The following ABLIM2 variants were observed in gnomAD, a reference collection of about 807,000 sequenced individuals.
The protein encoded by ABLIM2 is actin-binding LIM protein 2.
A neutral mutation model predicts 97.7 loss-of-function variants in ABLIM2; 53 were observed. The observed-to-expected ratio is 0.54, with a 90% CI of 0.44 to 0.68. ABLIM2 has a LOEUF of 0.68. Ranked by LOEUF, ABLIM2 falls within the 30% of genes least tolerant of loss-of-function variation. The pLI is 0.00. For synonymous variants in ABLIM2, 361 were observed against 345.8 expected (o/e 1.04, Z -0.49); for missense variants, 835 against 867.2 (o/e 0.96, Z 0.47).
chr4:8,040,845 G>A (rs776633769), intron 9 of ABLIM2, among the ~76,000 whole-genome samples: 4 of 152,198 alleles, frequency 2.6e-5, no homozygotes, highest in Admixed American at 6.5e-5. Context: ...CTTGGAGCAC[G>A]TGTCAGAATT....
Position 8,132,806 on chromosome 4 carries a change from T to C in ABLIM2, c.10+25874A>G, listed in dbSNP as rs911531563. Among the ~76,000 whole-genome samples the C allele has an allele frequency of 2.0e-5, 3 of 152,192 alleles. No individual in the cohort carries two copies. Among genetic ancestry groups the C allele is most frequent in the Non-Finnish European group, 4.4e-5 (3 of 68,032 alleles). ...TAAATGGGGATACCACGGACTGGGCTGCAGGGAGACTAAATGAGATGATGC... is the reference window on the plus strand; with the variant it reads ...TAAATGGGGATACCACGGACTGGGCCGCAGGGAGACTAAATGAGATGATGC... On this transcript the variant is annotated intron_variant, in intron 1 of 20. Coordinates refer to ENST00000447017, the MANE Select transcript of ABLIM2 (RefSeq NM_001130083.2). The surrounding 1 kb of genome is among the most constrained non-coding windows in gnomAD (Gnocchi z 8.0).
At chr4:8,037,998 C>T (rs79660091) in intron 9 of ABLIM2, among the ~76,000 whole-genome samples, 2,642 of 152,332 alleles carry the variant, frequency 0.017, 67 homozygotes, top group African/African-American at 0.058. Context: ...TTCTCCCTGG[C>T]TCTGGGCTCC....
At position 8,044,409 on chromosome 4, in the gene ABLIM2, A is replaced by G. The variant is rs890868581; in HGVS notation, c.900+755T>C. ...AGGAATTTTGGTATTTACACAAGCA[A>G]TATTAGCAAACATTAAATACAATAT... On this transcript the variant is annotated intron_variant, in intron 9 of 20. Transcript: ENST00000447017. The surrounding 1 kb of genome is among the most constrained non-coding windows in gnomAD (Gnocchi z 4.4). Among the ~76,000 whole-genome samples, 1 of 152,048 alleles carries G rather than the reference A, an allele frequency of 6.6e-6. No homozygotes were observed. The highest frequency in any genetic ancestry group is 1.5e-5 in the Non-Finnish European group (1 of 68,012).
rs1800895913 is a variant in ABLIM2 at position 8,058,611 on chromosome 4, G to A, written c.763+2356C>T. ...TATGCCCCGTCCAATCCATCATCAA[G>A]TCTGGGGGCTGCACTCCAGCACATG... is the stretch of plus-strand genomic sequence containing the variant. On this transcript the variant is annotated intron_variant, in intron 7 of 20. Coordinates refer to ENST00000447017, the MANE Select transcript of ABLIM2 (RefSeq NM_001130083.2). The surrounding 1 kb of genome is among the most constrained non-coding windows in gnomAD (Gnocchi z 4.2). 6.6e-6 allele frequency among the ~76,000 whole-genome samples: 1 copy of A among 152,152 alleles called. No homozygotes were observed. Among genetic ancestry groups the A allele is most frequent in the Non-Finnish European group, 1.5e-5 (1 of 68,018 alleles).
intron 16 of ABLIM2, among the ~76,000 whole-genome samples, chr4:8,006,833 G>A (rs1447461563): frequency 6.6e-6 from 1 of 152,152 alleles, no homozygotes; most frequent in Non-Finnish European, 1.5e-5. Flanking sequence ...GAAGGAGCAG[G>A]CTGCCATCTG....
chr4:8,026,440 T>C (rs1330388569), intron 12 of ABLIM2, among the ~76,000 whole-genome samples: 1 of 152,224 alleles, frequency 6.6e-6, no homozygotes, highest in Non-Finnish European at 1.5e-5. Context: ...GCAATGATGA[T>C]GAGGTACACG....
intron 1 of ABLIM2, among the ~76,000 whole-genome samples, chr4:8,143,016 C>T (rs1468515607): frequency 6.6e-6 from 1 of 152,216 alleles, no homozygotes; most frequent in African/African-American, 2.4e-5. Context: ...TGCAGGCCCC[C>T]TCTTCCCATC....
At chr4:7,987,493 A>AAC (rs1745232135) in intron 17 of ABLIM2, among the ~76,000 whole-genome samples, 1 of 151,914 alleles carries the variant, frequency 6.6e-6, no homozygotes, top group South Asian at 2.1e-4. Flanking sequence ...TGGTCAGGGA[A>AAC]CCCCCAGTAT....
rs571701535 is a variant in ABLIM2 at position 8,154,083 on chromosome 4, C to A, written c.10+4597G>T. Among the ~76,000 whole-genome samples the A allele has an allele frequency of 2.0e-5, 3 of 151,452 alleles. No individual in the cohort carries two copies. The East Asian group carries it at 5.8e-4, about 29-fold the overall frequency. ...GTTCACGCCATTCTCCTGCCTCAGCCTCCCGAGTAGCTGGGTCTACAGGCA... is the reference window on the plus strand; with the variant it reads ...GTTCACGCCATTCTCCTGCCTCAGCATCCCGAGTAGCTGGGTCTACAGGCA... On this transcript the variant is annotated intron_variant, in intron 1 of 20. Transcript: ENST00000447017.
chr4:8,121,692 G>A (rs914864762), intron 1 of ABLIM2, among the ~76,000 whole-genome samples: 1 of 152,224 alleles, frequency 6.6e-6, no homozygotes, highest in Non-Finnish European at 1.5e-5. Context: ...TCCAACAGGT[G>A]ACCTCCTCTA....
At chr4:8,029,545 G>A (rs1779502636) in intron 11 of ABLIM2, 111 bp downstream of exon 11, 4 of 1,238,120 alleles carry the variant, frequency 3.2e-6, no homozygotes, top group Non-Finnish European at 3.1e-6. Flanking sequence ...CATATTTCCA[G>A]TTGTATAAGA....
rs185444898 is a variant in ABLIM2 at position 8,017,161 on chromosome 4, G to A, written c.1423+2457C>T. On this transcript the variant is annotated intron_variant, in intron 14 of 20. Coordinates refer to ENST00000447017, the MANE Select transcript of ABLIM2 (RefSeq NM_001130083.2). ...TTGAGTAGATGACATGCTGGTGGGT[G>A]CGAGGCCTCCTGCGCCGCCTCCTCC... is the stretch of plus-strand genomic sequence containing the variant. Among the ~76,000 whole-genome samples, 53 of 152,290 alleles carry A rather than the reference G, an allele frequency of 3.5e-4. 1 individual carries two copies. The East Asian group carries it at 9.1e-3, about 26-fold the overall frequency.
chr4:8,105,561 G>T (rs970200126), intron 2 of ABLIM2, among the ~76,000 whole-genome samples: 1 of 152,112 alleles, frequency 6.6e-6, no homozygotes, highest in African/African-American at 2.4e-5. Context: ...AGTTTTGTTT[G>T]CCCAGAAAAA....
In ABLIM2 at chr4:8,068,137, C is replaced by T. The variant is rs573017227; in HGVS notation, c.676-7083G>A. Reference sequence around the variant, plus strand: ...CCTCCCAATTGCCACCCGAGGAGTGCCTGAAACCTCGGCCGCTGGTTGTTC... The same window carrying T: ...CCTCCCAATTGCCACCCGAGGAGTGTCTGAAACCTCGGCCGCTGGTTGTTC... On this transcript the variant is annotated intron_variant, in intron 6 of 20. Coordinates refer to ENST00000447017, the MANE Select transcript of ABLIM2 (RefSeq NM_001130083.2). This position sits in a 1 kb window ranked among gnomAD's most constrained non-coding sequence, Gnocchi z 4.5. 6.6e-6 allele frequency among the ~76,000 whole-genome samples: 1 copy of T among 152,170 alleles called. No individual in the cohort carries two copies. Among genetic ancestry groups the T allele is most frequent in the Admixed American group, 6.5e-5 (1 of 15,274 alleles).
rs1441120864 is a variant in ABLIM2 at position 8,158,809 on chromosome 4, C to T, written c.-120G>A. On this transcript the variant is annotated 5_prime_UTR_variant, in exon 1 of 21. Transcript: ENST00000447017. ...GCCGGCTCCGCGCCCGCTCCTTGCGCACACGCCAGGCAGCGCCGCCGCAGC... is the reference window on the plus strand; with the variant it reads ...GCCGGCTCCGCGCCCGCTCCTTGCGTACACGCCAGGCAGCGCCGCCGCAGC... 2 of 914,522 alleles carry T rather than the reference C, an allele frequency of 2.2e-6. No homozygotes were observed. The highest frequency in any genetic ancestry group is 2.8e-6 in the Non-Finnish European group (2 of 719,266). 56.7% of individuals were successfully genotyped at this position (914,522 alleles called of 1,614,324 possible).
At chr4:8,073,886 G>A (rs1365140214) in intron 6 of ABLIM2, among the ~76,000 whole-genome samples, 3 of 151,560 alleles carry the variant, frequency 2.0e-5, no homozygotes, top group Non-Finnish European at 2.9e-5. Flanking sequence ...TCGGGAGTTC[G>A]AGACCAGCCT....
intron 12 of ABLIM2, among the ~76,000 whole-genome samples, chr4:8,024,843 G>C (rs977520496): frequency 6.6e-6 from 1 of 152,234 alleles, no homozygotes; most frequent in African/African-American, 2.4e-5. Flanking sequence ...GGACAGCCAG[G>C]GGAGTCTAGT....
rs944934243 is a variant in ABLIM2, at chr4:8,032,693, C to T, written c.1048-2917G>A. The T allele has an allele frequency of 6.2e-7, 1 of 1,612,474 alleles. No individual in the cohort carries two copies. The highest frequency in any genetic ancestry group is 8.5e-7 in the Non-Finnish European group (1 of 1,179,792). On this transcript the variant is annotated intron_variant, in intron 10 of 20. Coordinates refer to ENST00000447017, the MANE Select transcript of ABLIM2 (RefSeq NM_001130083.2). The surrounding 1 kb of genome is among the most constrained non-coding windows in gnomAD (Gnocchi z 4.3). ...GCAACTGAGGGGACTGTGGACACAA[C>T]ACACAAAGTGGCCATTAGTGCTGGC...
intron 6 of ABLIM2, among the ~76,000 whole-genome samples, chr4:8,070,683 C>T (rs955975657): frequency 2.0e-5 from 3 of 152,092 alleles, no homozygotes; most frequent in African/African-American, 7.2e-5. Context: ...AGGGATCTGT[C>T]ACCTGCGTCT....
Sources: gnomAD v4.1 joint callset for allele counts (sites outside exome capture counted in the v4.1 genomes callset) on GRCh38, gnomAD v4.1.1 for gene constraint, Gnocchi (gnomAD v3.1) non-coding constraint, MANE v1.5 for transcripts, NCBI Gene and HGNC (gene_info 2026-07-23, HGNC 2026-07-21) for gene names.